SLIT3: variants seen among roughly 807,000 people sequenced by gnomAD.
SLIT3 encodes the protein slit homolog 3 protein.
In SLIT3, 68 loss-of-function variants were observed where a neutral mutation model predicts 184.0. That is an observed-to-expected ratio of 0.37 (90% CI 0.30 to 0.45). The LOEUF (loss-of-function observed/expected upper bound fraction) is 0.45, where lower values mean the gene tolerates loss of function less well. SLIT3 is among the 20% of genes least tolerant of loss of function. The pLI is 1.00. For missense variants in SLIT3, 1,707 were observed against 2,026.0 expected (o/e 0.84, Z 3.02); for synonymous variants, 831 against 828.6 (o/e 1.00, Z -0.05).
chr5:169,134,387 C>T (rs148655513), intron 4 of SLIT3, among the ~76,000 whole-genome samples: 2 of 152,290 alleles, frequency 1.3e-5, no homozygotes, highest in South Asian at 2.1e-4. Context: ...TCTTCTTGGA[C>T]CCAAGGTCTT....
chr5:168,769,382 T>C (rs1287115595), intron 14 of SLIT3, among the ~76,000 whole-genome samples: 1 of 152,186 alleles, frequency 6.6e-6, no homozygotes, highest in Non-Finnish European at 1.5e-5. Context: ...ACCTCTGACA[T>C]GAGAACCAGT....
chr5:168,784,518 A>T (rs1049805111), intron 12 of SLIT3, among the ~76,000 whole-genome samples: 6 of 152,164 alleles, frequency 3.9e-5, no homozygotes, highest in Non-Finnish European at 8.8e-5. Context: ...TGCTCCCTGG[A>T]AACTTGCTGG....
chr5:169,262,247 G>A (rs866712271), intron 1 of SLIT3, among the ~76,000 whole-genome samples: 4 of 152,208 alleles, frequency 2.6e-5, no homozygotes, highest in Non-Finnish European at 4.4e-5. Flanking sequence ...TAAACAAGGA[G>A]ACTACAGACT....
rs144646373 is a variant in SLIT3 at position 169,209,557 on chromosome 5, A to G, written c.342-16007T>C. On this transcript the variant is annotated intron_variant, in intron 3 of 35. Transcript: ENST00000519560. ...TTGGAACCAACCCAAATGCCCATCA[A>G]TGGTACACTGGATAAAGAAAAGGTG... Among the ~76,000 whole-genome samples, 195 of 152,340 alleles carry G rather than the reference A, an allele frequency of 1.3e-3. 2 individuals carry two copies. Among genetic ancestry groups the G allele is most frequent in the African/African-American group, 4.2e-3 (175 of 41,580 alleles).
intron 12 of SLIT3, among the ~76,000 whole-genome samples, chr5:168,774,933 C>A (rs1303507534): frequency 6.6e-6 from 1 of 152,152 alleles, no homozygotes; most frequent in Non-Finnish European, 1.5e-5. Flanking sequence ...CATGTGCACA[C>A]CCACAGAGAG....
intron 5 of SLIT3, among the ~76,000 whole-genome samples, chr5:168,872,934 C>T (rs972622412): frequency 1.3e-5 from 2 of 152,168 alleles, no homozygotes; most frequent in Admixed American, 6.5e-5. Flanking sequence ...GCCACTGTGC[C>T]TGGCCAAAAG....
intron 7 of SLIT3, among the ~76,000 whole-genome samples, chr5:168,819,707 A>G (rs1306919016): frequency 1.3e-5 from 2 of 152,208 alleles, no homozygotes; most frequent in East Asian, 3.9e-4. Context: ...AATTTCTGGG[A>G]TAATAAAAAT....
chr5:168,913,743 A>G (rs1562003333), intron 4 of SLIT3, among the ~76,000 whole-genome samples: 1 of 150,714 alleles, frequency 6.6e-6, no homozygotes, highest in South Asian at 2.1e-4. Flanking sequence ...CTCCGTCTCA[A>G]AAAAAAAAAC....
intron 4 of SLIT3, among the ~76,000 whole-genome samples, chr5:169,084,593 C>T (rs1433382134): frequency 6.6e-6 from 1 of 152,020 alleles, no homozygotes; most frequent in Non-Finnish European, 1.5e-5. Context: ...CAGGCGTGTG[C>T]CACCGTGCCC....
chr5:169,164,336 A>C (rs1209259686), intron 4 of SLIT3, among the ~76,000 whole-genome samples: 7 of 152,166 alleles, frequency 4.6e-5, no homozygotes. Context: ...ATTCTAGCAC[A>C]ACGGGTTGGG....
At chr5:169,136,335 A>G (rs962934459) in intron 4 of SLIT3, among the ~76,000 whole-genome samples, 1 of 152,172 alleles carries the variant, frequency 6.6e-6, no homozygotes, top group African/African-American at 2.4e-5. Flanking sequence ...TACCCTGCCC[A>G]TTAAAGGGCA....
chr5:169,141,253 C>T (rs1277157958), intron 4 of SLIT3, among the ~76,000 whole-genome samples: 2 of 152,162 alleles, frequency 1.3e-5, no homozygotes, highest in African/African-American at 4.8e-5. Flanking sequence ...ACTACGACAT[C>T]ACCCCACAAA....
chr5:168,903,071 C>G (rs536880978), intron 4 of SLIT3, among the ~76,000 whole-genome samples: 1 of 152,346 alleles, frequency 6.6e-6, no homozygotes, highest in East Asian at 1.9e-4. Flanking sequence ...ATCACTCAAT[C>G]AGCAGACCAA....
At chr5:169,207,433 TGAAAA>T (rs1160760688) in intron 3 of SLIT3, among the ~76,000 whole-genome samples, 1 of 146,990 alleles carries the variant, frequency 6.8e-6, no homozygotes. Context: ...AAGTCCATCC[TGAAAA>T]GAATTCAACG....
intron 4 of SLIT3, among the ~76,000 whole-genome samples, chr5:169,188,416 G>T (rs1042986032): frequency 5.3e-5 from 8 of 152,180 alleles, no homozygotes; most frequent in African/African-American, 1.2e-4. Context: ...GGCAAAGGGA[G>T]AAATTAATAG....
At chr5:169,132,105 C>T (rs1188447647) in intron 4 of SLIT3, among the ~76,000 whole-genome samples, 1 of 152,168 alleles carries the variant, frequency 6.6e-6, no homozygotes, top group Admixed American at 6.5e-5. Flanking sequence ...GTACACATTC[C>T]TGTTTGAAGT....
chr5:168,893,112 G>T (rs1760529337), intron 4 of SLIT3, among the ~76,000 whole-genome samples: 1 of 152,208 alleles, frequency 6.6e-6, no homozygotes, highest in Non-Finnish European at 1.5e-5. Flanking sequence ...AAAATCATCT[G>T]ATTGTAAAGA....
intron 4 of SLIT3, among the ~76,000 whole-genome samples, chr5:169,113,460 A>G (rs748662770): frequency 2.2e-4 from 33 of 152,160 alleles, no homozygotes; most frequent in Non-Finnish European, 4.4e-4. Flanking sequence ...TTATCCATCC[A>G]TCCACTGATG....
chr5:169,251,298 G>A (rs1765765729), intron 2 of SLIT3, 90 bp downstream of exon 2: 10 of 864,594 alleles, frequency 1.2e-5, no homozygotes, highest in Non-Finnish European at 1.8e-5. Context: ...TCCAGGGCTT[G>A]GGAGTGTGAT....
Sources: gnomAD v4.1 joint callset for allele counts (sites outside exome capture counted in the v4.1 genomes callset) on GRCh38, gnomAD v4.1.1 for gene constraint, MANE v1.5 for transcripts, NCBI Gene and HGNC (gene_info 2026-07-23, HGNC 2026-07-21) for gene names.